Variants in ZNF879 observed in about 807,000 individuals in gnomAD.
ZNF879 encodes zinc finger protein 879.
Under a neutral mutation model 44.3 loss-of-function variants are expected in ZNF879, and 32 were observed. The observed-to-expected ratio is 0.72, with a 90% CI of 0.54 to 0.97. The LOEUF is 0.97. Ranked by LOEUF, ZNF879 falls within the 50% of genes least tolerant of loss-of-function variation. ZNF879 has a pLI of 0.00. For synonymous variants in ZNF879, 234 were observed against 233.2 expected, an observed-to-expected ratio of 1.00 and a Z score of -0.03; for missense variants, 621 against 669.7, an observed-to-expected ratio of 0.93 and a Z score of 0.80.
Position 179,032,351 on chromosome 5 carries a change from A to T in ZNF879, c.403A>T (p.Asn135Tyr). ...GTTAGAGAAGCAACAAGGCAAAAAGAACAGACTTTTCAGTAAAGTGTTAGT... is the reference window on the plus strand; with the variant it reads ...GTTAGAGAAGCAACAAGGCAAAAAGTACAGACTTTTCAGTAAAGTGTTAGT... ...DKLEKQQGKK[N>Y]RLFSKVLVTI... Residue 135 changes from asparagine (N) to tyrosine (Y), a missense_variant, in exon 5 of 5, where the codon AAC (asparagine) becomes TAC (tyrosine). By Grantham distance (143) the Asn-to-Tyr change is moderately radical. Coordinates refer to ENST00000444149, the MANE Select transcript of ZNF879 (RefSeq NM_001136116.3). 1 of 1,551,422 alleles carries T rather than the reference A, an allele frequency of 6.4e-7. No homozygotes were observed. The highest frequency in any genetic ancestry group is 8.7e-7 in the Non-Finnish European group (1 of 1,146,966).
chr5:179,027,357 A>G (rs1761299095), intron 2 of ZNF879, 116 bp from the exon 3 acceptor site: 1 of 1,444,028 alleles, frequency 6.9e-7, no homozygotes, highest in Non-Finnish European at 9.4e-7. Context: ...TGGTAACTGA[A>G]AAGTTGTCCA....
At chr5:179,026,042 G>A (rs1175524701) in intron 2 of ZNF879, among the ~76,000 whole-genome samples, 5 of 145,004 alleles carry the variant, frequency 3.4e-5, no homozygotes, top group Non-Finnish European at 5.9e-5. Flanking sequence ...CTGAGATTGT[G>A]CCATTGCACT....
In ZNF879 at chr5:179,032,231, G is replaced by C; in HGVS notation, c.283G>C (p.Val95Leu). ...ATGGGAAAGCTTGTTTGGAACCATA[G>C]TTTCTAAAGAAGAAAATCAGGAAGT... Reference protein sequence around the residue: ...LGWESLFGTIVSKEENQEVMK... With the variant: ...LGWESLFGTILSKEENQEVMK... Residue 95 changes from valine to leucine, a missense_variant, in exon 5 of 5, where the codon GTT (valine) becomes CTT (leucine). By Grantham distance (32) the Val-to-Leu change is conservative (BLOSUM62 1). Transcript: ENST00000444149. The C allele has an allele frequency of 6.6e-7, 1 of 1,525,610 alleles. No homozygotes were observed. The highest frequency in any genetic ancestry group is 8.8e-7 in the Non-Finnish European group (1 of 1,139,070). The allele number at this position is 1,525,610 out of a possible 1,614,324, so 94.5% of individuals were successfully genotyped here.
intron 4 of ZNF879, among the ~76,000 whole-genome samples, chr5:179,029,047 G>GT (rs1761351766): frequency 6.9e-6 from 1 of 144,032 alleles, no homozygotes; most frequent in African/African-American, 2.6e-5. Flanking sequence ...AAAATCAGTT[G>GT]TTTTTTTCTC....
chr5:179,027,544 G>A lies in ZNF879; in HGVS notation c.105G>A (p.Gln35=), dbSNP rs568957757. The change falls in exon 3 of 5, where the codon CAG becomes CAA. Residue 35 remains glutamine (Q), a synonymous_variant. Coordinates refer to ENST00000444149, the MANE Select transcript of ZNF879 (RefSeq NM_001136116.3). ...QDEWLHLDSA[Q]RALYREVMLE... ...AGTGGTTGCACCTGGACTCTGCCCA[G>A]AGAGCCTTGTACCGGGAGGTGATGC... 149 of 1,614,066 alleles carry A rather than the reference G, an allele frequency of 9.2e-5. No individual in the cohort carries two copies. The highest frequency in any genetic ancestry group is 1.2e-4 in the Non-Finnish European group (140 of 1,180,048).
In ZNF879 at chr5:179,034,673, CT is replaced by C. The variant is rs1761537187; in HGVS notation, c.*1036del. 1 of 152,228 alleles carries C rather than the reference CT, an allele frequency of 6.6e-6. No individual in the cohort carries two copies. Among genetic ancestry groups the C allele is most frequent in the Non-Finnish European group, 1.5e-5 (1 of 68,046 alleles). 9.4% of individuals were successfully genotyped at this position (152,228 alleles called of 1,614,324 possible). A position where few individuals can be genotyped will look rare whatever the true frequency, so the allele number is the denominator to read the frequency against. Reference sequence around the variant, plus strand: ...TATTTAGGCTCTGAGTTCAGATACTCTTTCTTCCAGCAAATGGACTTACACT... The same window carrying C: ...TATTTAGGCTCTGAGTTCAGATACTCTTCTTCCAGCAAATGGACTTACACT... On this transcript the variant is annotated 3_prime_UTR_variant, in exon 5 of 5. Coordinates refer to ENST00000444149, the MANE Select transcript of ZNF879 (RefSeq NM_001136116.3).
At position 179,034,424 on chromosome 5, in the gene ZNF879, T is replaced by C. The variant is rs1364431974; in HGVS notation, c.*784T>C. ...ATTTACTGAAAAATGTTATAAATTA[T>C]CTCAGAATGTAGCCAATAGCAAGCA... On this transcript the variant is annotated 3_prime_UTR_variant, in exon 5 of 5. Transcript: ENST00000444149. The C allele has an allele frequency of 2.0e-5, 3 of 152,238 alleles. No homozygotes were observed. The highest frequency in any genetic ancestry group is 1.3e-4 in the Admixed American group (2 of 15,280). The allele number at this position is 152,238 out of a possible 1,614,324, so 9.4% of individuals were successfully genotyped here. A position where few individuals can be genotyped will look rare whatever the true frequency, so the allele number is the denominator to read the frequency against.
In ZNF879 at chr5:179,033,631, T is replaced by C; in HGVS notation, c.1683T>C (p.Thr561=). ...CATCTCTTACTAATCATCAAAGGAC[T>C]CATAATTGAGAAAAACTGTATAAAT... is the stretch of plus-strand genomic sequence containing the variant. ...QSSSLTNHQR[T]HN Residue 561 remains threonine, a synonymous_variant, in exon 5 of 5, where the codon ACT becomes ACC. Coordinates refer to ENST00000444149, the MANE Select transcript of ZNF879 (RefSeq NM_001136116.3). 3 of 1,501,146 alleles carry C rather than the reference T, an allele frequency of 2.0e-6. No homozygotes were observed. The highest frequency in any genetic ancestry group is 2.7e-6 in the Non-Finnish European group (3 of 1,127,026). 93.0% of individuals were successfully genotyped at this position (1,501,146 alleles called of 1,614,324 possible).
chr5:179,027,683 G>A, intron 3 of ZNF879, 84 bp downstream of exon 3: 2 of 1,533,020 alleles, frequency 1.3e-6, no homozygotes, highest in Non-Finnish European at 1.8e-6. Flanking sequence ...GCTTGGCCAG[G>A]TCGGCTCACA....
In ZNF879 at chr5:179,032,361, T is replaced by G; in HGVS notation, c.413T>G (p.Phe138Cys). ...CAACAAGGCAAAAAGAACAGACTTT[T>G]CAGTAAAGTGTTAGTTACCATCAAA... ...EKQQGKKNRL[F>C]SKVLVTIKKV... The change falls in exon 5 of 5, where the codon TTC becomes TGC. Residue 138 changes from phenylalanine to cysteine, a missense_variant. Physicochemically the swap from Phe to Cys is radical, Grantham distance 205. Coordinates refer to ENST00000444149, the MANE Select transcript of ZNF879 (RefSeq NM_001136116.3). The G allele has an allele frequency of 1.9e-6, 3 of 1,551,306 alleles. No individual in the cohort carries two copies. Among genetic ancestry groups the G allele is most frequent in the Non-Finnish European group, 2.6e-6 (3 of 1,146,922 alleles).
intron 3 of ZNF879, 120 bp downstream of exon 3, chr5:179,027,719 C>T: frequency 2.2e-6 from 3 of 1,349,640 alleles, no homozygotes; most frequent in East Asian, 5.0e-5. Flanking sequence ...TGGCCATTGC[C>T]ATTCCCCTTG....
Position 179,028,081 on chromosome 5 carries a change from A to G in ZNF879, c.210A>G (p.Glu70=), listed in dbSNP as rs750925761. 1 of 1,551,542 alleles carries G rather than the reference A, an allele frequency of 6.4e-7. No individual in the cohort carries two copies. The highest frequency in any genetic ancestry group is 1.2e-5 in the South Asian group (1 of 84,056). Residue 70 remains glutamate (E), a synonymous_variant, in exon 4 of 5, where the codon GAA becomes GAG. Coordinates refer to ENST00000444149, the MANE Select transcript of ZNF879 (RefSeq NM_001136116.3). ...PKVISQLEQG[E]DPWMVESGVP... The stretch of plus-strand genomic sequence containing the variant: ...TCATCTCCCAGTTAGAGCAAGGAGA[A>G]GACCCCTGGATGGTGGAGAGTGGAG...
At chr5:179,024,802 G>A in intron 1 of ZNF879, 168 bp from the exon 2 acceptor site, 1 of 583,586 alleles carries the variant, frequency 1.7e-6, no homozygotes, top group Non-Finnish European at 3.1e-6. Context: ...CTCTGAACCT[G>A]CTTCCCACAC....
intron 2 of ZNF879, 30 bp from the exon 3 acceptor site, chr5:179,027,443 G>T: frequency 6.2e-7 from 1 of 1,612,244 alleles, no homozygotes; most frequent in Non-Finnish European, 8.5e-7. Flanking sequence ...GGACAGTCCT[G>T]GATGAACAGG....
chr5:179,032,740 A>T lies in ZNF879; in HGVS notation c.792A>T (p.Glu264Asp). ...GAGAGAAACCTTATATATGTAGTGAATGTGGAAAAGCCTTCAGTTTCACCA... is the reference window on the plus strand; with the variant it reads ...GAGAGAAACCTTATATATGTAGTGATTGTGGAAAAGCCTTCAGTTTCACCA... ...HTGEKPYICSECGKAFSFTTS... is the reference protein window; with the variant it reads ...HTGEKPYICSDCGKAFSFTTS... Residue 264 changes from glutamate (E) to aspartate (D), a missense_variant, in exon 5 of 5, where the codon GAA (glutamate) becomes GAT (aspartate). Physicochemically the swap from Glu to Asp is conservative, Grantham distance 45. Coordinates refer to ENST00000444149, the MANE Select transcript of ZNF879 (RefSeq NM_001136116.3). 6.4e-7 allele frequency: 1 copy of T among 1,554,956 alleles called. No homozygotes were observed.
chr5:179,026,741 G>A (rs1320989858), intron 2 of ZNF879, among the ~76,000 whole-genome samples: 1 of 152,166 alleles, frequency 6.6e-6, no homozygotes, highest in African/African-American at 2.4e-5. Flanking sequence ...CTCCTTTCTC[G>A]GCCTCCCAAA....
chr5:179,025,196 G>A (rs1761229534), intron 2 of ZNF879, among the ~76,000 whole-genome samples, 159 bp downstream of exon 2: 1 of 151,970 alleles, frequency 6.6e-6, no homozygotes, highest in African/African-American at 2.4e-5. Context: ...CCTTGCCTCA[G>A]AGCCTGTCTC....
chr5:179,025,243 A>G (rs1761231871), intron 2 of ZNF879, among the ~76,000 whole-genome samples: 1 of 150,282 alleles, frequency 6.7e-6, no homozygotes, highest in African/African-American at 2.5e-5. Flanking sequence ...TTTTTGAGAC[A>G]GGGTCTCACT....
At chr5:179,025,604 C>T (rs568005167) in intron 2 of ZNF879, among the ~76,000 whole-genome samples, 1 of 152,256 alleles carries the variant, frequency 6.6e-6, no homozygotes, top group African/African-American at 2.4e-5. Flanking sequence ...GACAAAGACA[C>T]GGAGGAGTTA....
Sources: allele counts gnomAD v4.1 joint callset (sites outside exome capture counted in the v4.1 genomes callset), GRCh38; gene constraint gnomAD v4.1.1; transcripts MANE v1.5; gene names NCBI Gene and HGNC (gene_info 2026-07-23, HGNC 2026-07-21).